Variants in MVP observed in about 807,000 individuals in gnomAD.
MVP encodes the protein lung resistance-related protein.
MVP carries 62 observed loss-of-function variants against 83.5 expected under a neutral mutation model. The ratio of observed to expected loss-of-function variants is 0.74; its 90% confidence interval spans 0.61 to 0.92. The LOEUF is 0.92. Ranked by LOEUF, MVP falls within the 40% of genes least tolerant of loss-of-function variation. MVP has a pLI of 0.00. For synonymous variants in MVP, 505 were observed against 504.1 expected (o/e 1.00, Z -0.02); for missense variants, 1,000 against 1,203.4 (o/e 0.83, Z 2.50).
chr16:29,834,232 G>A (rs191565451), intron 5 of MVP, 166 bp downstream of exon 5: 16 of 922,276 alleles, frequency 1.7e-5, no homozygotes, highest in African/African-American at 3.3e-5. Context: ...CCCCACCCCC[G>A]CTTCATGCTG....
intron 7 of MVP, 56 bp from the exon 8 acceptor site, chr16:29,840,122 T>C (rs1303553978): frequency 2.6e-6 from 4 of 1,531,290 alleles, no homozygotes; most frequent in African/African-American, 1.4e-5. Flanking sequence ...GGAGGTACCA[T>C]TGGAAGCACC....
intron 3 of MVP, among the ~76,000 whole-genome samples, chr16:29,832,965 T>C (rs879586066): frequency 6.6e-6 from 1 of 151,712 alleles, no homozygotes; most frequent in Non-Finnish European, 1.5e-5. Flanking sequence ...CTTGGGAGGC[T>C]GAGGCATGAG....
chr16:29,830,358 CAG>C, intron 1 of MVP, 155 bp from the exon 2 acceptor site: 1 of 575,632 alleles, frequency 1.7e-6, no homozygotes, highest in Non-Finnish European at 3.0e-6. Context: ...GGGGTGAAGA[CAG>C]GGAGCAGTGG....
intron 11 of MVP, 146 bp from the exon 12 acceptor site, chr16:29,845,717 C>T (rs1291190985): frequency 1.6e-6 from 1 of 632,880 alleles, no homozygotes; most frequent in Non-Finnish European, 2.8e-6. Flanking sequence ...GCGCGTATAC[C>T]ATTCTGGGTT....
chr16:29,827,949 A>G (rs1456194913), intron 1 of MVP, among the ~76,000 whole-genome samples: 3 of 152,252 alleles, frequency 2.0e-5, no homozygotes, highest in South Asian at 4.1e-4. Flanking sequence ...CCTCAGATGC[A>G]TTAGCCACAT....
intron 1 of MVP, among the ~76,000 whole-genome samples, chr16:29,822,216 C>T (rs1393589154): frequency 6.6e-6 from 1 of 150,832 alleles, no homozygotes; most frequent in African/African-American, 2.4e-5. Context: ...GTTCTTGCCT[C>T]TGGTGACTGG....
intron 11 of MVP, among the ~76,000 whole-genome samples, chr16:29,845,658 G>GC: frequency 6.6e-6 from 1 of 152,208 alleles, no homozygotes; most frequent in Non-Finnish European, 1.5e-5. Flanking sequence ...AAAGTAGGGG[G>GC]CCGCAGTCAC....
chr16:29,835,021 A>G (rs1432344405), intron 5 of MVP: 1 of 151,782 alleles, frequency 6.6e-6, no homozygotes, highest in Non-Finnish European at 1.5e-5. Context: ...CCCACTTTCT[A>G]TATATCAAAA....
intron 3 of MVP, 144 bp from the exon 4 acceptor site, chr16:29,833,589 T>C: frequency 9.6e-7 from 1 of 1,046,654 alleles, no homozygotes; most frequent in Non-Finnish European, 1.4e-6. Context: ...GGATGACAGG[T>C]GTGAGCCACT....
chr16:29,834,384 A>T, intron 5 of MVP: 1 of 353,646 alleles, frequency 2.8e-6, no homozygotes, highest in Non-Finnish European at 5.5e-6. Context: ...CAATTGACAA[A>T]TGTAGGCCAA....
At position 29,847,768 on chromosome 16, in the gene MVP, C is replaced by G. The variant is rs1218395168; in HGVS notation, c.2461C>G (p.Leu821Val). 1 of 1,614,120 alleles carries G rather than the reference C, an allele frequency of 6.2e-7. No homozygotes were observed. The highest frequency in any genetic ancestry group is 1.7e-5 in the Admixed American group (1 of 60,028). The change falls in exon 15 of 15, where the codon CTG becomes GTG. Residue 821 changes from leucine to valine, a missense_variant. By Grantham distance (32) the Leu-to-Val change is conservative (BLOSUM62 1). Transcript: ENST00000357402. ...TCCTGTTCTCACCCTCCAGGTAAAA[C>G]TGCTCCAGTCCCTGGGCCTGAAATC... is the stretch of plus-strand genomic sequence containing the variant. ...AVAGPEMQVK[L>V]LQSLGLKSTL...
At position 29,841,941 on chromosome 16, in the gene MVP, C is replaced by T. The variant is rs200801648; in HGVS notation, c.1463C>T (p.Ser488Leu). ...ARVVFGPELV[S>L]LGPEEQFTVL... ...GTGGTCTTCGGGCCTGAGCTGGTGT[C>T]GCTGGGTCCTGAGGAGCAGTTCACA... Residue 488 changes from serine to leucine, a missense_variant, in exon 10 of 15, where the codon TCG becomes TTG. Ser to Leu is a moderately radical substitution (Grantham distance 145). Transcript: ENST00000357402. The surrounding 1 kb of genome is among the most constrained non-coding windows in gnomAD (Gnocchi z 4.7). 82 of 1,612,646 alleles carry T rather than the reference C, an allele frequency of 5.1e-5. No individual in the cohort carries two copies. The highest frequency in any genetic ancestry group is 1.3e-4 in the East Asian group (6 of 44,878).
chr16:29,831,419 G>T (rs928835572), intron 3 of MVP, among the ~76,000 whole-genome samples: 1 of 152,180 alleles, frequency 6.6e-6, no homozygotes, highest in Admixed American at 6.5e-5. Flanking sequence ...CTCCCAAAGT[G>T]CTGGGATTAC....
chr16:29,821,398 G>C (rs941315875), intron 1 of MVP: 1 of 152,214 alleles, frequency 6.6e-6, no homozygotes, highest in Non-Finnish European at 1.5e-5. Context: ...GCAGGTAGGG[G>C]GGCCACCTTG....
intron 5 of MVP, 83 bp from the exon 6 acceptor site, chr16:29,835,621 C>A: frequency 1.8e-6 from 2 of 1,119,760 alleles, no homozygotes; most frequent in Non-Finnish European, 1.3e-6. Flanking sequence ...ATCTGTCAAT[C>A]CCCTGTGTCT....
chr16:29,831,173 T>A, intron 3 of MVP, 100 bp downstream of exon 3: 3 of 1,176,998 alleles, frequency 2.5e-6, no homozygotes, highest in South Asian at 1.6e-5. Flanking sequence ...TTTTCTTTTT[T>A]GAGGCAGAGT....
chr16:29,846,363 A>G, intron 13 of MVP, 79 bp downstream of exon 13: 1 of 1,460,848 alleles, frequency 6.8e-7, no homozygotes, highest in East Asian at 2.5e-5. Context: ...CTGAGACTGT[A>G]TAGGACACCA....
chr16:29,831,681 A>G (rs751568895), intron 3 of MVP: 1 of 456,126 alleles, frequency 2.2e-6, no homozygotes, highest in South Asian at 1.5e-5. Flanking sequence ...CCAGTCTGGC[A>G]TTAAATGACA....
intron 1 of MVP, among the ~76,000 whole-genome samples, chr16:29,827,454 A>G (rs904138446): frequency 2.0e-5 from 3 of 152,176 alleles, no homozygotes; most frequent in Non-Finnish European, 2.9e-5. Context: ...CCACGGGACC[A>G]TGATGCCTCT....
Sources: gnomAD v4.1 joint callset for allele counts (sites outside exome capture counted in the v4.1 genomes callset) on GRCh38, gnomAD v4.1.1 for gene constraint, Gnocchi (gnomAD v3.1) non-coding constraint, MANE v1.5 for transcripts, NCBI Gene and HGNC (gene_info 2026-07-23, HGNC 2026-07-21) for gene names.